Variants in UBR1 observed in about 807,000 individuals in gnomAD.
UBR1 encodes ubiquitin protein ligase E3 component n-recognin 1.
Under a neutral mutation model 242.1 loss-of-function variants are expected in UBR1, and 102 were observed. The ratio of observed to expected loss-of-function variants is 0.42; its 90% CI spans 0.36 to 0.50. The LOEUF (loss-of-function observed/expected upper bound fraction) is 0.50, where lower values mean the gene tolerates loss of function less well. Among genes scored for constraint, UBR1 ranks in the 20% least tolerant of loss-of-function variants. The probability of loss-of-function intolerance (pLI) is 0.01; values close to 1 mark genes in which losing one functional copy is unlikely to be tolerated. For synonymous variants in UBR1, 675 were observed against 684.8 expected (o/e 0.99, Z 0.22); for missense variants, 1,772 against 2,101.8 (o/e 0.84, Z 3.07).
At chr15:42,991,203 G>C (rs999681859) in intron 33 of UBR1, among the ~76,000 whole-genome samples, 4 of 151,746 alleles carry the variant, frequency 2.6e-5, no homozygotes, top group African/African-American at 7.3e-5. Context: ...TTGAACCCAG[G>C]GGGTGGAGTC....
At chr15:43,051,559 C>A (rs2033555169) in intron 12 of UBR1, among the ~76,000 whole-genome samples, 2 of 152,020 alleles carry the variant, frequency 1.3e-5, no homozygotes, top group Non-Finnish European at 2.9e-5. Flanking sequence ...TGCACATGTA[C>A]CCCTGAACTC....
At chr15:43,051,751 C>A (rs889716177) in intron 12 of UBR1, among the ~76,000 whole-genome samples, 1 of 151,254 alleles carries the variant, frequency 6.6e-6, no homozygotes, top group African/African-American at 2.4e-5. Flanking sequence ...GGGATTGGAA[C>A]AAACAAAAGG....
At position 43,074,941 on chromosome 15, in the gene UBR1, A is replaced by G. The variant is rs200058752; in HGVS notation, c.528+38T>C. ...ATTCTTATCTAATCTCAGCAAACTT[A>G]AAATAGTTAACAATTTTTAACAAAA... On this transcript the variant is annotated intron_variant, in intron 4 of 46. Coordinates refer to ENST00000290650, the MANE Select transcript of UBR1 (RefSeq NM_174916.3). 2.2e-5 allele frequency: 33 copies of G among 1,485,150 alleles called. No individual in the cohort carries two copies. The Admixed American group carries it at 5.2e-4, about 23-fold the overall frequency. 92.0% of individuals were successfully genotyped at this position (1,485,150 alleles called of 1,614,324 possible).
intron 30 of UBR1, among the ~76,000 whole-genome samples, chr15:43,004,562 G>A (rs1290651573): frequency 6.6e-6 from 1 of 152,224 alleles, no homozygotes; most frequent in Non-Finnish European, 1.5e-5. Flanking sequence ...CATTTTTTTG[G>A]TGGAGACGGG....
chr15:42,994,688 C>T (rs2032609203), intron 33 of UBR1, among the ~76,000 whole-genome samples: 1 of 152,174 alleles, frequency 6.6e-6, no homozygotes, highest in Non-Finnish European at 1.5e-5. Flanking sequence ...CTTACACATT[C>T]TCTGCAATCC....
intron 46 of UBR1, among the ~76,000 whole-genome samples, chr15:42,947,860 C>T (rs1208351815): frequency 1.3e-5 from 2 of 152,128 alleles, no homozygotes; most frequent in Non-Finnish European, 2.9e-5. Context: ...CCATACTGCC[C>T]AAGGTAATTT....
At chr15:43,028,314 C>T (rs2033203412) in intron 21 of UBR1, among the ~76,000 whole-genome samples, 1 of 152,096 alleles carries the variant, frequency 6.6e-6, no homozygotes, top group African/African-American at 2.4e-5. Context: ...TCTGATTGAC[C>T]TGATCTTTTC....
At chr15:43,103,419 C>A (rs2034261837) in intron 1 of UBR1, among the ~76,000 whole-genome samples, 1 of 152,150 alleles carries the variant, frequency 6.6e-6, no homozygotes, top group South Asian at 2.1e-4. Context: ...TTACTGATAA[C>A]TTCCAAATAC....
intron 33 of UBR1, among the ~76,000 whole-genome samples, chr15:42,992,660 C>T (rs1007747661): frequency 2.6e-5 from 4 of 152,196 alleles, no homozygotes; most frequent in African/African-American, 9.7e-5. Context: ...GAGCCCAGGA[C>T]TTGTGTGGAC....
intron 44 of UBR1, among the ~76,000 whole-genome samples, chr15:42,954,906 C>T (rs1377875994): frequency 5.9e-5 from 9 of 151,966 alleles, no homozygotes; most frequent in South Asian, 4.2e-4. Context: ...CGGTGGCTCA[C>T]GTCTGTAATC....
chr15:43,026,645 G>T lies in UBR1; in HGVS notation c.2451C>A (p.Gly817=), dbSNP rs2033181555. The change falls in exon 23 of 47, where the codon GGC becomes GGA. Residue 817 remains glycine (G), a synonymous_variant. Coordinates refer to ENST00000290650, the MANE Select transcript of UBR1 (RefSeq NM_174916.3). ...VATFKKPGVS[G]HGVYELKDES... ...CATCTTTTAGTTCATAAACTCCATGGCCTGATACACCTGGTTTCCTAAATA... is the reference window on the plus strand; with the variant it reads ...CATCTTTTAGTTCATAAACTCCATGTCCTGATACACCTGGTTTCCTAAATA... 1 of 1,612,698 alleles carries T rather than the reference G, an allele frequency of 6.2e-7. No individual in the cohort carries two copies. Among genetic ancestry groups the T allele is most frequent in the Non-Finnish European group, 8.5e-7 (1 of 1,179,582 alleles).
intron 26 of UBR1, among the ~76,000 whole-genome samples, chr15:43,022,145 T>C (rs192497605): frequency 2.0e-5 from 3 of 152,232 alleles, no homozygotes; most frequent in Admixed American, 2.0e-4. Flanking sequence ...AGCATGTAAA[T>C]AGAAAATGTT....
chr15:42,965,361 A>T (rs1450652883), intron 41 of UBR1, among the ~76,000 whole-genome samples: 1 of 152,192 alleles, frequency 6.6e-6, no homozygotes, highest in African/African-American at 2.4e-5. Context: ...TTTAGAGGCA[A>T]GTAAATGAGA....
At chr15:43,044,936 G>GA (rs1006520164) in intron 14 of UBR1, among the ~76,000 whole-genome samples, 194 of 151,226 alleles carry the variant, frequency 1.3e-3, no homozygotes, top group African/African-American at 4.2e-3. Context: ...AGCTTTAAAA[G>GA]AAAAAAAAAT....
At chr15:43,096,070 A>G (rs2034155270) in intron 1 of UBR1, among the ~76,000 whole-genome samples, 1 of 152,208 alleles carries the variant, frequency 6.6e-6, no homozygotes. Flanking sequence ...AGTCTTTAGA[A>G]AGTTGTCATC....
At position 42,984,863 on chromosome 15, in the gene UBR1, T is replaced by C. The variant is rs746580043; in HGVS notation, c.4053+24A>G. On this transcript the variant is annotated intron_variant, in intron 36 of 46. Transcript: ENST00000290650. ...GAAAAAAGGCATGCCATGAGTTACA[T>C]GTACCTTGTTGGAATATACATACCT... is the stretch of plus-strand genomic sequence containing the variant. 15 of 1,601,812 alleles carry C rather than the reference T, an allele frequency of 9.4e-6. No homozygotes were observed. The highest frequency in any genetic ancestry group is 1.1e-5 in the Non-Finnish European group (13 of 1,169,472).
intron 42 of UBR1, among the ~76,000 whole-genome samples, chr15:42,962,413 CTG>C (rs376769698): frequency 2.2e-4 from 34 of 152,272 alleles, no homozygotes; most frequent in African/African-American, 8.2e-4. Flanking sequence ...CTGGTGGGAA[CTG>C]GAGCCAGACA....
rs951788556 is a variant in UBR1 at position 43,070,820 on chromosome 15, C to G, written c.634G>C (p.Glu212Gln). The change falls in exon 5 of 47, where the codon GAA becomes CAA. Residue 212 changes from glutamate to glutamine, a missense_variant. Physicochemically the swap from Glu to Gln is conservative, Grantham distance 29 (BLOSUM62 2). This residue lies in a region of UBR1 where 734 missense variants were observed against 893.3 expected (regional missense o/e 0.82). Coordinates refer to ENST00000290650, the MANE Select transcript of UBR1 (RefSeq NM_174916.3). ...VEMTIWEEEK[E>Q]LPPELQIREK... ...CTTATCTGGAGTTCAGGAGGCAGTT[C>G]TTTTTCCTCTTCCCATATAGTCATT... The G allele has an allele frequency of 2.5e-6, 4 of 1,613,514 alleles. No individual in the cohort carries two copies. The African/African-American group carries it at 5.3e-5, about 22-fold the overall frequency.
chr15:43,087,680 A>C (rs894160196), intron 1 of UBR1, among the ~76,000 whole-genome samples: 1 of 152,206 alleles, frequency 6.6e-6, no homozygotes, highest in Non-Finnish European at 1.5e-5. Flanking sequence ...AGATTTACAT[A>C]TATTTTGACC....
Sources: gnomAD v4.1 joint callset for allele counts (sites outside exome capture counted in the v4.1 genomes callset) on GRCh38, gnomAD v4.1.1 for gene constraint, gnomAD v4.1.1 regional missense constraint, MANE v1.5 for transcripts, NCBI Gene and HGNC (gene_info 2026-07-23, HGNC 2026-07-21) for gene names.